Variants in EPHB1 observed in about 807,000 individuals in gnomAD.
EPHB1 encodes the protein ephrin type-B receptor 1.
A neutral mutation model predicts 94.4 loss-of-function variants in EPHB1; 30 were observed. The ratio of observed to expected loss-of-function variants is 0.32; its 90% CI spans 0.24 to 0.43. The LOEUF is 0.43. Among genes scored for constraint, EPHB1 ranks in the 20% least tolerant of loss-of-function variants. The pLI is 1.00. For synonymous variants in EPHB1, 522 were observed against 489.1 expected (o/e 1.07, Z -0.89); for missense variants, 1,055 against 1,308.3 (o/e 0.81, Z 2.99).
chr3:135,166,770 G>T (rs1232263179), intron 8 of EPHB1, among the ~76,000 whole-genome samples, 172 bp from the exon 9 acceptor site: 1 of 152,224 alleles, frequency 6.6e-6, no homozygotes, highest in Non-Finnish European at 1.5e-5. Flanking sequence ...GTGAGTGGTG[G>T]TCAACAAGAG....
intron 3 of EPHB1, among the ~76,000 whole-genome samples, chr3:135,036,306 A>G (rs1328181938): frequency 6.6e-6 from 1 of 152,232 alleles, no homozygotes; most frequent in Non-Finnish European, 1.5e-5. Context: ...GCAACCAAGC[A>G]GCTGGGGGTT....
intron 2 of EPHB1, among the ~76,000 whole-genome samples, chr3:134,943,467 G>A (rs957583477): frequency 6.6e-6 from 1 of 152,222 alleles, no homozygotes; most frequent in Non-Finnish European, 1.5e-5. Flanking sequence ...GGCCAGATGG[G>A]GGGATATGGA....
chr3:134,890,156 A>C (rs1469070359), intron 1 of EPHB1, among the ~76,000 whole-genome samples: 1 of 152,102 alleles, frequency 6.6e-6, no homozygotes, highest in African/African-American at 2.4e-5. Flanking sequence ...GTACCCACTG[A>C]CTTTGACGTT....
chr3:134,885,090 A>G (rs988779568), intron 1 of EPHB1, among the ~76,000 whole-genome samples: 3 of 152,252 alleles, frequency 2.0e-5, no homozygotes, highest in Non-Finnish European at 4.4e-5. Context: ...AAGAAAGCAT[A>G]AGCCATGGTA....
rs1486745436 is a variant in EPHB1 at position 134,952,015 on chromosome 3, G to A, written c.768G>A (p.Lys256=). 1.1e-5 allele frequency: 17 copies of A among 1,612,804 alleles called. No homozygotes were observed. The highest frequency in any genetic ancestry group is 5.5e-5 in the South Asian group (5 of 90,910). The change falls in exon 3 of 16, where the codon AAG becomes AAA. Residue 256 remains lysine (K), a synonymous_variant. Coordinates refer to ENST00000398015, the MANE Select transcript of EPHB1 (RefSeq NM_004441.5). ...TGCCTATTGGGCGATGCACCTGCAA[G>A]CCTGGCTATGAGCCTGAGAACAGCG... ...WMVPIGRCTC[K]PGYEPENSVA...
chr3:135,181,668 T>C (rs892673964), intron 10 of EPHB1, among the ~76,000 whole-genome samples: 1 of 152,154 alleles, frequency 6.6e-6, no homozygotes, highest in Non-Finnish European at 1.5e-5. Context: ...AGAGCACACA[T>C]CAGCCCCACC....
intron 1 of EPHB1, among the ~76,000 whole-genome samples, chr3:134,843,872 T>A (rs2036820789): frequency 6.6e-6 from 1 of 152,226 alleles, no homozygotes; most frequent in Admixed American, 6.5e-5. Context: ...TTTTGTCTGC[T>A]GTATCTAATA....
chr3:135,241,110 C>T, intron 12 of EPHB1, 38 bp from the exon 13 acceptor site: 1 of 1,613,996 alleles, frequency 6.2e-7, no homozygotes, highest in Non-Finnish European at 8.5e-7. Context: ...AATCAGAAAC[C>T]TGATTGTTGG....
chr3:135,252,375 C>T (rs1435722651), intron 15 of EPHB1, among the ~76,000 whole-genome samples: 14 of 115,906 alleles, frequency 1.2e-4, no homozygotes, highest in Middle Eastern at 4.5e-3. Context: ...CTCCCCCCAC[C>T]CCACCACAGT....
At chr3:134,938,374 C>T (rs924251668) in intron 2 of EPHB1, among the ~76,000 whole-genome samples, 14 of 152,128 alleles carry the variant, frequency 9.2e-5, no homozygotes, top group African/African-American at 2.9e-4. Context: ...TGAAATATGC[C>T]GGAGTATAAA....
At chr3:134,840,057 C>T (rs1246483143) in intron 1 of EPHB1, among the ~76,000 whole-genome samples, 2 of 152,144 alleles carry the variant, frequency 1.3e-5, no homozygotes, top group East Asian at 3.9e-4. Context: ...TTTTTCTACA[C>T]TCCCCTCCAC....
chr3:135,195,572 A>C (rs1223554622), intron 11 of EPHB1, among the ~76,000 whole-genome samples: 5 of 149,104 alleles, frequency 3.4e-5, no homozygotes, highest in Non-Finnish European at 5.9e-5. Context: ...CCTATGAGTG[A>C]GAATATGCGG....
chr3:134,803,811 G>A (rs1053962679), intron 1 of EPHB1, among the ~76,000 whole-genome samples: 3 of 152,178 alleles, frequency 2.0e-5, no homozygotes, highest in African/African-American at 4.8e-5. Flanking sequence ...TTGCTTAGTT[G>A]TGAATTAAAT....
At chr3:134,890,163 C>T (rs906389247) in intron 1 of EPHB1, among the ~76,000 whole-genome samples, 11 of 152,134 alleles carry the variant, frequency 7.2e-5, no homozygotes, top group African/African-American at 2.2e-4. Flanking sequence ...CTGACTTTGA[C>T]GTTTTGTATT....
chr3:134,952,413 A>G (rs1395305615), intron 3 of EPHB1, among the ~76,000 whole-genome samples: 1 of 151,144 alleles, frequency 6.6e-6, no homozygotes, highest in African/African-American at 2.4e-5. Context: ...ACACCCCTAT[A>G]TCCTGCATCC....
At chr3:135,059,237 G>A (rs1418124371) in intron 3 of EPHB1, among the ~76,000 whole-genome samples, 2 of 152,200 alleles carry the variant, frequency 1.3e-5, no homozygotes, top group Non-Finnish European at 1.5e-5. Flanking sequence ...TACAGAAGGA[G>A]CCCTTTCTGG....
At chr3:134,988,058 A>C (rs1934664033) in intron 3 of EPHB1, among the ~76,000 whole-genome samples, 1 of 152,184 alleles carries the variant, frequency 6.6e-6, no homozygotes, top group Non-Finnish European at 1.5e-5. Context: ...TAGCATGAAC[A>C]AGGTCAAATA....
chr3:135,084,495 G>A (rs1576370894), intron 3 of EPHB1, among the ~76,000 whole-genome samples: 1 of 152,184 alleles, frequency 6.6e-6, no homozygotes, highest in African/African-American at 2.4e-5. Context: ...CTTGCTTAAC[G>A]GAGGTGTGCG....
intron 1 of EPHB1, among the ~76,000 whole-genome samples, chr3:134,899,648 G>T (rs531371313): frequency 3.1e-4 from 47 of 150,840 alleles, no homozygotes; most frequent in African/African-American, 1.1e-3. Context: ...TGAAGCTTCT[G>T]TTTTTGTTTG....
Sources: allele counts gnomAD v4.1 joint callset (sites outside exome capture counted in the v4.1 genomes callset), GRCh38; gene constraint gnomAD v4.1.1; transcripts MANE v1.5; gene names NCBI Gene and HGNC (gene_info 2026-07-23, HGNC 2026-07-21).